DCAF8L2: variants seen among roughly 807,000 people sequenced by gnomAD.
The protein encoded by DCAF8L2 is DDB1- and CUL4-associated factor 8-like protein 2.
For synonymous variants in DCAF8L2, 200 were observed against 190.9 expected (o/e 1.05, Z -0.39); for missense variants, 430 against 490.7 (o/e 0.88, Z 1.17).
the DCAF8L2 span, among the ~76,000 whole-genome samples, chrX:27,481,877 A>T: frequency 3.6e-5 from 4 of 111,870 alleles, no homozygotes; most frequent in East Asian, 1.1e-3. Flanking sequence ...AATAACCTGA[A>T]CTGGATTTAT....
the DCAF8L2 span, among the ~76,000 whole-genome samples, chrX:27,566,127 C>CGACCCT: frequency 9.1e-6 from 1 of 109,439 alleles, no homozygotes; most frequent in Non-Finnish European, 1.9e-5. Context: ...CCCGCCCCCC[C>CGACCCT]GACCCTGTGG....
the DCAF8L2 span, among the ~76,000 whole-genome samples, chrX:27,508,002 T>G: frequency 2.7e-5 from 3 of 111,861 alleles, no homozygotes; most frequent in Admixed American, 9.6e-5. Context: ...TGTAAGCATA[T>G]TTACTGGTTT....
At chrX:27,514,758 A>C in the DCAF8L2 span, among the ~76,000 whole-genome samples, 1 of 109,053 alleles carries the variant, frequency 9.2e-6, no homozygotes, top group Admixed American at 9.7e-5. Context: ...AATGGAGGAC[A>C]TTACGTGAAG....
intron 2 of DCAF8L2, among the ~76,000 whole-genome samples, chrX:27,669,978 G>C (rs1929887496): frequency 9.0e-6 from 1 of 111,032 alleles, no homozygotes; most frequent in African/African-American, 3.3e-5. Context: ...TAATCCTTTG[G>C]GTATATACCC....
chrX:27,682,561 C>A (rs1352754548), intron 3 of DCAF8L2, among the ~76,000 whole-genome samples: 3 of 111,103 alleles, frequency 2.7e-5, no homozygotes, highest in Non-Finnish European at 3.8e-5. Context: ...AAACACCTTA[C>A]ATTTGTCAAT....
chrX:27,535,396 G>T, the DCAF8L2 span, among the ~76,000 whole-genome samples: 4 of 111,574 alleles, frequency 3.6e-5, no homozygotes, highest in South Asian at 1.1e-3. Flanking sequence ...TCATAATTAT[G>T]ACATTTACTG....
In DCAF8L2 at chrX:27,659,732, T is replaced by A. The variant is rs550678465; in HGVS notation, c.-219-18104T>A. 1.3e-3 allele frequency among the ~76,000 whole-genome samples: 142 copies of A among 111,576 alleles called. 2 individuals carry two copies. The highest frequency in any genetic ancestry group is 4.1e-3 in the African/African-American group (126 of 30,739). ...GTTGTTAAAATTCTCCATTTTTTTTTAAATTTCATTCACTGAATTCTTCAG... is the reference window on the plus strand; with the variant it reads ...GTTGTTAAAATTCTCCATTTTTTTTAAAATTTCATTCACTGAATTCTTCAG... On this transcript the variant is annotated intron_variant, in intron 2 of 4. Transcript: ENST00000451261.
At chrX:27,575,404 G>C in the DCAF8L2 span, among the ~76,000 whole-genome samples, 33 of 111,153 alleles carry the variant, frequency 3.0e-4, no homozygotes, top group African/African-American at 1.0e-3. Context: ...ATTTGGGCTC[G>C]AAAGTAGGAG....
At chrX:27,491,792 T>C in the DCAF8L2 span, among the ~76,000 whole-genome samples, 13 of 111,823 alleles carry the variant, frequency 1.2e-4, no homozygotes, top group South Asian at 1.5e-3. Flanking sequence ...TTTTCTGATA[T>C]CGACTTTCTA....
the DCAF8L2 span, among the ~76,000 whole-genome samples, chrX:27,584,178 C>T: frequency 8.9e-6 from 1 of 111,799 alleles, no homozygotes; most frequent in African/African-American, 3.3e-5. Context: ...ACAGCTTTCT[C>T]ATCTTCTGCC....
chrX:27,742,202 T>C (rs1000994076), intron 4 of DCAF8L2, among the ~76,000 whole-genome samples: 1 of 111,276 alleles, frequency 9.0e-6, no homozygotes, highest in African/African-American at 3.3e-5. Context: ...TAGGCACACA[T>C]TGTGAAGCAT....
At chrX:27,619,920 G>C (rs1250434137) in intron 1 of DCAF8L2, among the ~76,000 whole-genome samples, 3 of 111,585 alleles carry the variant, frequency 2.7e-5, no homozygotes, top group Non-Finnish European at 5.7e-5. Context: ...AAGGATTAAT[G>C]TCTTAATAAA....
chrX:27,508,215 G>T, the DCAF8L2 span, among the ~76,000 whole-genome samples: 2 of 111,646 alleles, frequency 1.8e-5, no homozygotes, highest in Non-Finnish European at 1.9e-5. Flanking sequence ...TAACAATTTT[G>T]ATCTATTCAC....
intron 1 of DCAF8L2, among the ~76,000 whole-genome samples, chrX:27,617,797 C>G (rs1460934521): frequency 4.5e-5 from 5 of 111,218 alleles, no homozygotes; most frequent in African/African-American, 1.3e-4. Flanking sequence ...ATGATTTAGA[C>G]AATAAATAAA....
intron 3 of DCAF8L2, among the ~76,000 whole-genome samples, chrX:27,686,441 C>G (rs756182378): frequency 9.1e-6 from 1 of 110,255 alleles, no homozygotes; most frequent in African/African-American, 3.3e-5. Flanking sequence ...CAACATGGAA[C>G]TGGGGGTCAT....
intron 1 of DCAF8L2, among the ~76,000 whole-genome samples, chrX:27,609,560 A>T (rs937165945): frequency 9.0e-6 from 1 of 111,455 alleles, no homozygotes; most frequent in Non-Finnish European, 1.9e-5. Context: ...GTTTTCCAGA[A>T]GCGTCTCTTG....
At chrX:27,547,845 T>TTC in the DCAF8L2 span, among the ~76,000 whole-genome samples, 293 of 46,271 alleles carry the variant, frequency 6.3e-3, 5 homozygotes, top group South Asian at 0.013. Context: ...CTCTCTCTCT[T>TTC]TCTCTCTCTC....
chrX:27,574,400 A>G, the DCAF8L2 span, among the ~76,000 whole-genome samples: 3 of 111,859 alleles, frequency 2.7e-5, no homozygotes, highest in Admixed American at 1.9e-4. Flanking sequence ...CAGTTTGCAA[A>G]TTAAGGTTAT....
intron 4 of DCAF8L2, among the ~76,000 whole-genome samples, chrX:27,725,151 G>A (rs1487207417): frequency 9.0e-6 from 1 of 110,560 alleles, no homozygotes; most frequent in Non-Finnish European, 1.9e-5. Context: ...AAGACAGAAA[G>A]ACTCCATCCA....
Sources: allele counts gnomAD v4.1 joint callset (sites outside exome capture counted in the v4.1 genomes callset), GRCh38; gene constraint gnomAD v4.1.1; transcripts MANE v1.5; gene names NCBI Gene and HGNC (gene_info 2026-07-23, HGNC 2026-07-21).